Variants in EIF2D observed in about 807,000 individuals in gnomAD.
EIF2D encodes eukaryotic translation initiation factor 2D.
A neutral mutation model predicts 77.4 loss-of-function variants in EIF2D; 56 were observed. That is an observed-to-expected ratio of 0.72 (90% CI 0.58 to 0.90). The LOEUF is 0.90. EIF2D is among the 40% of genes least tolerant of loss of function. The pLI, the probability that EIF2D is intolerant of heterozygous loss-of-function variation, is 0.00. For synonymous variants in EIF2D, 230 were observed against 271.0 expected (o/e 0.85, Z 1.49); for missense variants, 574 against 706.5 (o/e 0.81, Z 2.13).
intron 3 of EIF2D, among the ~76,000 whole-genome samples, chr1:206,608,604 G>A (rs529603429): frequency 7.2e-5 from 11 of 152,342 alleles, no homozygotes; most frequent in African/African-American, 1.9e-4. Context: ...CTGGCCGGGC[G>A]CAGTGCCTTA....
chr1:206,584,699 G>C lies in EIF2D; in HGVS notation c.139-3537C>G. The C allele has an allele frequency of 6.2e-7, 1 of 1,614,070 alleles. No individual in the cohort carries two copies. Among genetic ancestry groups the C allele is most frequent in the Non-Finnish European group, 8.5e-7 (1 of 1,179,960 alleles). ...GGACGGACAAGGTAGGAGAAAGAGTGAACCCAACCAGACCGTTCCCTTCCT... is the reference window on the plus strand; with the variant it reads ...GGACGGACAAGGTAGGAGAAAGAGTCAACCCAACCAGACCGTTCCCTTCCT... On this transcript the variant is annotated intron_variant and NMD_transcript_variant, in intron 2 of 5. Transcript: ENST00000472709. This position sits in a 1 kb window ranked among gnomAD's most constrained non-coding sequence, Gnocchi z 4.9.
chr1:206,585,885 G>A (rs1669092834), intron 2 of EIF2D: 1 of 152,378 alleles, frequency 6.6e-6, no homozygotes, highest in South Asian at 2.1e-4. Flanking sequence ...GGAGATTTAG[G>A]GATCAAGGCA....
chr1:206,586,743 G>C (rs1553407718), downstream of EIF2D: 2 of 1,038,398 alleles, frequency 1.9e-6, no homozygotes, highest in African/African-American at 3.2e-5. Context: ...GAAGGGGAAG[G>C]CAGCAGGGTC....
At chr1:206,586,833 C>T (rs1553407755), downstream of EIF2D, 6 of 1,612,352 alleles carry the variant, frequency 3.7e-6, no homozygotes, top group Middle Eastern at 1.7e-4. Context: ...CAGTGGGATG[C>T]CTTCTCCATC....
chr1:206,577,604 A>G (rs1668702945), intron 4 of EIF2D, among the ~76,000 whole-genome samples: 1 of 152,224 alleles, frequency 6.6e-6, no homozygotes, highest in Non-Finnish European at 1.5e-5. Context: ...TTCATCCTGC[A>G]GGTACTTAAC....
intron 5 of EIF2D, 109 bp from the exon 6 acceptor site, chr1:206,603,313 G>C (rs1341102649): frequency 7.0e-7 from 1 of 1,438,164 alleles, no homozygotes; most frequent in Non-Finnish European, 9.3e-7. Context: ...CCAACAGGCA[G>C]GAGTGGCCAG....
intron 3 of EIF2D, 116 bp downstream of exon 3, chr1:206,609,260 G>GA (rs1261644707): frequency 6.0e-6 from 6 of 998,628 alleles, no homozygotes; most frequent in Admixed American, 2.2e-5. Context: ...ACACATAGGG[G>GA]AAAAAATTCC....
At position 206,579,889 on chromosome 1, in the gene EIF2D, T is replaced by C. The variant is rs528797042; in HGVS notation, c.*254+803A>G. Among the ~76,000 whole-genome samples the C allele has an allele frequency of 2.0e-5, 3 of 152,286 alleles. No individual in the cohort carries two copies. The highest frequency in any genetic ancestry group is 4.8e-5 in the African/African-American group (2 of 41,572). ...CTAATTCAGGAGGTGATTCATTTGG[T>C]CCATGGGTCACATCTTGTCTGCCAG... On this transcript the variant is annotated intron_variant and NMD_transcript_variant, in intron 4 of 5. Transcript: ENST00000472709. This position sits in a 1 kb window ranked among gnomAD's most constrained non-coding sequence, Gnocchi z 4.2.
At chr1:206,576,926 C>T (rs1668678987) in intron 4 of EIF2D, among the ~76,000 whole-genome samples, 1 of 152,082 alleles carries the variant, frequency 6.6e-6, no homozygotes, top group African/African-American at 2.4e-5. Context: ...ACCTCAGCCT[C>T]CTGAGTAGCT....
intron 12 of EIF2D, 75 bp downstream of exon 12, chr1:206,597,025 G>T: frequency 9.3e-7 from 1 of 1,080,222 alleles, no homozygotes; most frequent in Non-Finnish European, 1.4e-6. Flanking sequence ...GATAGTGACA[G>T]TATTAAAGTT....
rs527617953 is a variant in EIF2D, at chr1:206,575,318, G to A, written c.*255-2619C>T. ...AGCCTGGAGATGGCTTCCTTCCAAG[G>A]GGTGAAAGAATTGCTGCTGACAGAT... On this transcript the variant is annotated intron_variant and NMD_transcript_variant, in intron 4 of 5. Transcript: ENST00000472709. Among the ~76,000 whole-genome samples the A allele has an allele frequency of 4.6e-5, 7 of 152,216 alleles. No individual in the cohort carries two copies. The East Asian group carries it at 1.4e-3, about 29-fold the overall frequency.
chr1:206,602,716 T>C lies in EIF2D; in HGVS notation c.784+235A>G, dbSNP rs906490807. 1.8e-5 allele frequency: 12 copies of C among 674,914 alleles called. No homozygotes were observed. The Admixed American group carries it at 3.5e-4, about 20-fold the overall frequency. The allele number at this position is 674,914 out of a possible 1,614,324, so 41.8% of individuals were successfully genotyped here. A position where few individuals can be genotyped will look rare whatever the true frequency, so the allele number is the denominator to read the frequency against. The stretch of plus-strand genomic sequence containing the variant: ...CCAGAAGAAACCTTGGAGGGCTTTG[T>C]AGCTGAAGACAGGCAAATGCCAGGG... On this transcript the variant is annotated intron_variant, in intron 6 of 14. Transcript: ENST00000271764.
At chr1:206,569,953 C>T (rs1553403937), downstream of EIF2D, among the ~76,000 whole-genome samples, 3 of 152,104 alleles carry the variant, frequency 2.0e-5, no homozygotes, top group African/African-American at 7.2e-5. Flanking sequence ...GCTTGGAATA[C>T]AGAAAGTAAG....
At position 206,591,712 on chromosome 1, in the gene EIF2D, TA is replaced by T; in HGVS notation, c.*62del. The T allele has an allele frequency of 6.8e-7, 1 of 1,469,710 alleles. No homozygotes were observed. Among genetic ancestry groups the T allele is most frequent in the Non-Finnish European group, 9.5e-7 (1 of 1,057,324 alleles). The allele number at this position is 1,469,710 out of a possible 1,614,324, so 91.0% of individuals were successfully genotyped here. The stretch of plus-strand genomic sequence containing the variant: ...TATTTGCAAAAGCTGAAAATGCTCA[TA>T]AAAATTACCAGCCCAGAGCTTGGAT... On this transcript the variant is annotated 3_prime_UTR_variant, in exon 15 of 15. Transcript: ENST00000271764.
rs1553407079 is a variant in EIF2D at position 206,584,455 on chromosome 1, T to C, written c.139-3293A>G. 1 of 1,614,138 alleles carries C rather than the reference T, an allele frequency of 6.2e-7. No individual in the cohort carries two copies. The highest frequency in any genetic ancestry group is 8.5e-7 in the Non-Finnish European group (1 of 1,180,008). On this transcript the variant is annotated intron_variant and NMD_transcript_variant, in intron 2 of 5. Coordinates refer to the EIF2D transcript ENST00000472709. This position sits in a 1 kb window ranked among gnomAD's most constrained non-coding sequence, Gnocchi z 4.9. Reference sequence around the variant, plus strand: ...AACTCCGGCGGCCTGTGACGGTGCCTGCTGGGATCCGGCCCCAGTCCATCT... The same window carrying C: ...AACTCCGGCGGCCTGTGACGGTGCCCGCTGGGATCCGGCCCCAGTCCATCT...
At chr1:206,598,340 T>G (rs1365585305) in intron 11 of EIF2D, among the ~76,000 whole-genome samples, 1 of 152,200 alleles carries the variant, frequency 6.6e-6, no homozygotes, top group Non-Finnish European at 1.5e-5. Context: ...GTCCGGCCAT[T>G]AAAGTAAAAA....
At chr1:206,585,013 A>G (rs1669052834) in intron 2 of EIF2D, 1 of 642,056 alleles carries the variant, frequency 1.6e-6, no homozygotes, top group Non-Finnish European at 2.8e-6. Context: ...CACCCAAGAT[A>G]AAAGGTTATT....
intron 4 of EIF2D, 68 bp from the exon 5 acceptor site, chr1:206,605,575 C>T: frequency 1.5e-6 from 2 of 1,337,454 alleles, no homozygotes; most frequent in Non-Finnish European, 2.1e-6. Context: ...TTAGGATCAT[C>T]TTCTGACACA....
chr1:206,590,991 C>A (rs190991763), downstream of EIF2D, among the ~76,000 whole-genome samples: 18 of 152,326 alleles, frequency 1.2e-4, no homozygotes. Context: ...TTGATGAAAG[C>A]ATGGTCCATC....
Sources: allele counts gnomAD v4.1 joint callset (sites outside exome capture counted in the v4.1 genomes callset), GRCh38; gene constraint gnomAD v4.1.1; non-coding constraint Gnocchi (gnomAD v3.1); transcripts MANE v1.5; gene names NCBI Gene and HGNC (gene_info 2026-07-23, HGNC 2026-07-21).